The following EPS15 variants were observed in gnomAD, a reference collection of about 807,000 sequenced individuals.
The protein encoded by EPS15 is epidermal growth factor receptor substrate 15.
In EPS15, 72 loss-of-function variants were observed where a neutral mutation model predicts 113.8. The ratio of observed to expected loss-of-function variants is 0.63; its 90% CI spans 0.52 to 0.77. The LOEUF (loss-of-function observed/expected upper bound fraction) is 0.77, where lower values mean the gene tolerates loss of function less well. Ranked by LOEUF, EPS15 falls within the 30% of genes least tolerant of loss-of-function variation. The probability of loss-of-function intolerance (pLI) is 0.00; values close to 1 mark genes in which losing one functional copy is unlikely to be tolerated. For synonymous variants in EPS15, 344 were observed against 363.4 expected (o/e 0.95, Z 0.61); for missense variants, 1,048 against 1,045.8 (o/e 1.00, Z -0.03).
At chr1:51,388,879 T>C (rs1467443402) in intron 21 of EPS15, among the ~76,000 whole-genome samples, 1 of 151,912 alleles carries the variant, frequency 6.6e-6, no homozygotes, top group East Asian at 1.9e-4. Context: ...AGCCGAATTC[T>C]ACCAGAGGTA....
At chr1:51,387,432 T>C (rs1477903513) in intron 21 of EPS15, among the ~76,000 whole-genome samples, 1 of 151,414 alleles carries the variant, frequency 6.6e-6, no homozygotes, top group African/African-American at 2.4e-5. Context: ...AATCACCAGC[T>C]AACATCATAA....
chr1:51,403,969 T>C (rs970205420), intron 16 of EPS15, among the ~76,000 whole-genome samples: 3 of 152,224 alleles, frequency 2.0e-5, no homozygotes, highest in Non-Finnish European at 4.4e-5. Flanking sequence ...AATGTGGATG[T>C]GATCGTGACC....
At chr1:51,475,131 G>A (rs1445085990) in intron 2 of EPS15, among the ~76,000 whole-genome samples, 7 of 152,146 alleles carry the variant, frequency 4.6e-5, no homozygotes, top group South Asian at 2.1e-4. Context: ...GAATAGTGCC[G>A]CAATAAACAT....
rs576107597 is a variant in EPS15 at position 51,509,738 on chromosome 1, A to G, written c.33+9461T>C. On this transcript the variant is annotated intron_variant, in intron 1 of 24. Coordinates refer to ENST00000371733, the MANE Select transcript of EPS15 (RefSeq NM_001981.3). ...TGAAAAACTACCTTCTACTATGTCT[A>G]CAAAAACTTTCCACTATAACTTCGT... Among the ~76,000 whole-genome samples the G allele has an allele frequency of 5.9e-5, 9 of 152,372 alleles. No individual in the cohort carries two copies. In the South Asian group the frequency reaches 1.9e-3, roughly 32 times the overall value.
At chr1:51,389,141 C>T (rs1373449722) in intron 21 of EPS15, among the ~76,000 whole-genome samples, 1 of 152,192 alleles carries the variant, frequency 6.6e-6, no homozygotes, top group African/African-American at 2.4e-5. Flanking sequence ...GGCTTCATCC[C>T]TGGGATGCAA....
At chr1:51,468,067 T>C (rs552370366) in intron 5 of EPS15, among the ~76,000 whole-genome samples, 33 of 152,210 alleles carry the variant, frequency 2.2e-4, no homozygotes, top group African/African-American at 7.5e-4. Context: ...CAAATGATCC[T>C]CCCATCTCAG....
chr1:51,472,344 G>C (rs1028672798), intron 3 of EPS15, among the ~76,000 whole-genome samples: 1 of 152,136 alleles, frequency 6.6e-6, no homozygotes, highest in East Asian at 1.9e-4. Context: ...TCTTTTCTAT[G>C]TGCAAGTTGA....
chr1:51,391,246 T>C (rs1325163258), intron 21 of EPS15, among the ~76,000 whole-genome samples: 5 of 151,780 alleles, frequency 3.3e-5, no homozygotes, highest in Non-Finnish European at 7.4e-5. Context: ...TTCTCACTCA[T>C]AGGTGGGAAT....
intron 7 of EPS15, chr1:51,463,178 G>A (rs1405000006): frequency 6.6e-6 from 1 of 152,146 alleles, no homozygotes; most frequent in Non-Finnish European, 1.5e-5. Context: ...GCCCAGCCAA[G>A]AAGTCAGATT....
chr1:51,461,439 T>C (rs1333725684), intron 7 of EPS15, among the ~76,000 whole-genome samples: 1 of 148,984 alleles, frequency 6.7e-6, no homozygotes, highest in East Asian at 2.0e-4. Flanking sequence ...GAGGATCCCT[T>C]AAGCCTAGGA....
At chr1:51,359,514 C>T (rs1646331003) in intron 24 of EPS15, among the ~76,000 whole-genome samples, 2 of 150,606 alleles carry the variant, frequency 1.3e-5, no homozygotes, top group Non-Finnish European at 3.0e-5. Context: ...AATCCCAACA[C>T]TTTGAGAGGC....
At chr1:51,361,405 AAGC>A in intron 23 of EPS15, 50 bp from the exon 24 acceptor site, 1 of 1,401,728 alleles carries the variant, frequency 7.1e-7, no homozygotes, top group East Asian at 2.3e-5. Context: ...CAGCAAATAC[AAGC>A]ACACAAGAAC....
intron 1 of EPS15, among the ~76,000 whole-genome samples, chr1:51,514,892 T>C (rs1375706033): frequency 1.3e-5 from 2 of 152,220 alleles, no homozygotes; most frequent in Admixed American, 6.5e-5. Context: ...ACATCATTAA[T>C]GTGCCTTTCC....
intron 1 of EPS15, among the ~76,000 whole-genome samples, chr1:51,504,633 A>T (rs1644467043): frequency 6.6e-6 from 1 of 152,234 alleles, no homozygotes; most frequent in South Asian, 2.1e-4. Flanking sequence ...GAAGACATAC[A>T]AATGGCTAAT....
chr1:51,381,391 G>A (rs973728864), intron 21 of EPS15, among the ~76,000 whole-genome samples: 5 of 152,056 alleles, frequency 3.3e-5, no homozygotes, highest in African/African-American at 1.2e-4. Flanking sequence ...TCAGGAGTTC[G>A]AGACCAGCCT....
intron 12 of EPS15, among the ~76,000 whole-genome samples, chr1:51,429,642 G>GT: frequency 8.2e-6 from 1 of 121,336 alleles, no homozygotes; most frequent in Non-Finnish European, 1.7e-5. Context: ...TGTTGTTGTT[G>GT]GTTTTTTTTT....
At chr1:51,400,823 T>C (rs1648471199) in intron 19 of EPS15, 95 bp downstream of exon 19, 1 of 634,128 alleles carries the variant, frequency 1.6e-6, no homozygotes, top group South Asian at 2.8e-5. Context: ...ACATAGAGCA[T>C]CTTACTGGGG....
Position 51,498,999 on chromosome 1 carries a change from T to C in EPS15, c.34-17685A>G, listed in dbSNP as rs143600403. ...CCTTTTTTTGCCCTTCCTTCTCTTC[T>C]GCCATGTGAGGCACAGCATTCATCC... On this transcript the variant is annotated intron_variant, in intron 1 of 24. Transcript: ENST00000371733. Among the ~76,000 whole-genome samples the C allele has an allele frequency of 9.0e-4, 137 of 152,332 alleles. 1 individual carries two copies. Among genetic ancestry groups the C allele is most frequent in the Middle Eastern group, 3.4e-3 (1 of 294 alleles).
intron 10 of EPS15, among the ~76,000 whole-genome samples, chr1:51,445,694 A>G (rs1652985918): frequency 6.6e-6 from 1 of 152,110 alleles, no homozygotes. Flanking sequence ...TAATGCACTG[A>G]AGGCCAGTAG....
Sources: allele counts gnomAD v4.1 joint callset (sites outside exome capture counted in the v4.1 genomes callset), GRCh38; gene constraint gnomAD v4.1.1; transcripts MANE v1.5; gene names NCBI Gene and HGNC (gene_info 2026-07-23, HGNC 2026-07-21).